Variants in MARCHF5 observed in about 807,000 individuals in gnomAD.
MARCHF5 encodes membrane associated ring-CH-type finger 5.
A neutral mutation model predicts 36.5 loss-of-function variants in MARCHF5; 5 were observed. The observed-to-expected ratio is 0.14, with a 90% CI of 0.07 to 0.29. MARCHF5 has a LOEUF of 0.29. Among genes scored for constraint, MARCHF5 ranks in the 10% least tolerant of loss-of-function variants. The pLI, the probability that MARCHF5 is intolerant of heterozygous loss-of-function variation, is 1.00. For missense variants in MARCHF5, 179 were observed against 336.3 expected (o/e 0.53, Z 3.66); for synonymous variants, 103 against 109.9 (o/e 0.94, Z 0.39).
In MARCHF5 at chr10:92,351,997, A is replaced by G. The variant is rs1317127599; in HGVS notation, c.*790A>G. 2 of 152,180 alleles carry G rather than the reference A, an allele frequency of 1.3e-5. No individual in the cohort carries two copies. The highest frequency in any genetic ancestry group is 2.9e-5 in the Non-Finnish European group (2 of 67,974). The allele number at this position is 152,180 out of a possible 1,614,324, so 9.4% of individuals were successfully genotyped here. A position where few individuals can be genotyped will look rare whatever the true frequency, so the allele number is the denominator to read the frequency against. On this transcript the variant is annotated 3_prime_UTR_variant, in exon 6 of 6. Transcript: ENST00000358935. ...CCATCTCTGGGAGTTTTTTCAACCC[A>G]TATTTCTAGAAATTACAGCTGCCAG...
At chr10:92,348,185 CAAAA>C (rs58496139) in intron 3 of MARCHF5, among the ~76,000 whole-genome samples, 1 of 121,284 alleles carries the variant, frequency 8.2e-6, no homozygotes. Context: ...AATTCCGTCT[CAAAA>C]AAAAAAAAAA....
chr10:92,331,928 TGTATATATAATC>T (rs959234947), intron 2 of MARCHF5, among the ~76,000 whole-genome samples: 29 of 146,574 alleles, frequency 2.0e-4, no homozygotes, highest in South Asian at 4.2e-4. Context: ...ATCATATATA[TGTATATATAATC>T]GTATATATAT....
chr10:92,294,521 A>G (rs558506936), intron 1 of MARCHF5, among the ~76,000 whole-genome samples: 5 of 152,322 alleles, frequency 3.3e-5, no homozygotes, highest in Admixed American at 2.6e-4. Context: ...CTTGAGGAAT[A>G]CCAACAGGGC....
chr10:92,299,295 G>A (rs1202186479), intron 1 of MARCHF5, among the ~76,000 whole-genome samples: 1 of 152,050 alleles, frequency 6.6e-6, no homozygotes, highest in African/African-American at 2.4e-5. Flanking sequence ...TTAAAAATCT[G>A]CCAGTCTCTG....
intron 3 of MARCHF5, among the ~76,000 whole-genome samples, chr10:92,345,680 TTC>T (rs1240370647): frequency 3.4e-5 from 5 of 149,142 alleles, no homozygotes; most frequent in Admixed American, 6.7e-5. Flanking sequence ...TCTTTTGTTT[TTC>T]TCTTTTTTTT....
chr10:92,349,756 C>T lies in MARCHF5; in HGVS notation c.639C>T (p.Ala213=), dbSNP rs974898277. The part of the protein sequence containing the change: ...HVSATRILCG[A]LVFPTIATIV... Reference sequence around the variant, plus strand: ...CTGCTACTCGAATCTTGTGTGGAGCCCTTGTCTTTCCTACTATTGCTACAA... The same window carrying T: ...CTGCTACTCGAATCTTGTGTGGAGCTCTTGTCTTTCCTACTATTGCTACAA... Residue 213 remains alanine, a synonymous_variant, in exon 5 of 6, where the codon GCC becomes GCT. Transcript: ENST00000358935. 1 of 1,613,710 alleles carries T rather than the reference C, an allele frequency of 6.2e-7. No individual in the cohort carries two copies. Among genetic ancestry groups the T allele is most frequent in the Non-Finnish European group, 8.5e-7 (1 of 1,179,782 alleles).
At position 92,291,414 on chromosome 10, in the gene MARCHF5, C is replaced by T. The variant is rs947816490; in HGVS notation, c.-81C>T. 8.6e-6 allele frequency: 11 copies of T among 1,275,792 alleles called. No individual in the cohort carries two copies. The highest frequency in any genetic ancestry group is 1.2e-5 in the Non-Finnish European group (11 of 901,174). The allele number at this position is 1,275,792 out of a possible 1,614,324, so 79.0% of individuals were successfully genotyped here. ...TGCCGCCGGACTGCGGCCTACTCCG[C>T]CGCCTCTCAGTGCTATTGTCCCTGG... On this transcript the variant is annotated 5_prime_UTR_variant, in exon 1 of 6. Transcript: ENST00000358935.
At chr10:92,328,201 CAT>C (rs1323419446) in intron 2 of MARCHF5, among the ~76,000 whole-genome samples, 1 of 150,490 alleles carries the variant, frequency 6.6e-6, no homozygotes, top group Non-Finnish European at 1.5e-5. Context: ...ATGTAATTCA[CAT>C]GTCTTTATTC....
intron 2 of MARCHF5, among the ~76,000 whole-genome samples, chr10:92,324,493 C>G (rs1843330250): frequency 6.6e-6 from 1 of 152,128 alleles, no homozygotes; most frequent in Admixed American, 6.5e-5. Context: ...CCCCGAATAG[C>G]TGGGACTACA....
chr10:92,300,162 CAA>C (rs377259892), intron 1 of MARCHF5, among the ~76,000 whole-genome samples: 7 of 135,846 alleles, frequency 5.2e-5, no homozygotes, highest in Admixed American at 1.5e-4. Flanking sequence ...GACCTTGTCT[CAA>C]AAAAAAAAAA....
At chr10:92,304,163 G>T (rs753917202) in intron 1 of MARCHF5, among the ~76,000 whole-genome samples, 4 of 152,188 alleles carry the variant, frequency 2.6e-5, no homozygotes, top group Non-Finnish European at 4.4e-5. Flanking sequence ...GAATGCCAGG[G>T]TGCCAAGTAG....
rs549216071 is a variant in MARCHF5 at position 92,291,213 on chromosome 10, G to A, written c.-282G>A. On this transcript the variant is annotated 5_prime_UTR_variant, in exon 1 of 6. Coordinates refer to ENST00000358935, the MANE Select transcript of MARCHF5 (RefSeq NM_017824.5). ...CGCCGGCAGCAACTCGGCGCCCGCG[G>A]TCCATGGACCGGAACCTCGGGCCGA... is the stretch of plus-strand genomic sequence containing the variant. The A allele has an allele frequency of 1.1e-4, 59 of 527,186 alleles. No homozygotes were observed. In the East Asian group the frequency reaches 1.8e-3, roughly 16 times the overall value. The allele number at this position is 527,186 out of a possible 1,614,324, so 32.7% of individuals were successfully genotyped here.
intron 1 of MARCHF5, among the ~76,000 whole-genome samples, chr10:92,297,081 C>G (rs1046620925): frequency 6.6e-6 from 1 of 152,068 alleles, no homozygotes; most frequent in African/African-American, 2.4e-5. Context: ...CTTCTCATCC[C>G]CACTCCACTA....
chr10:92,314,380 A>G (rs1843182317), intron 2 of MARCHF5, among the ~76,000 whole-genome samples: 1 of 152,244 alleles, frequency 6.6e-6, no homozygotes, highest in African/African-American at 2.4e-5. Flanking sequence ...ACGGTGGCTC[A>G]CGCCTGTAAT....
rs189986936 is a variant in MARCHF5, at chr10:92,294,687, G to A, written c.35+3158G>A. ...TTTCTTTAATGCAGGTTTTATCTTC[G>A]TGAAGACTAAGGAACTGTGTGTTAC... On this transcript the variant is annotated intron_variant, in intron 1 of 5. Coordinates refer to ENST00000358935, the MANE Select transcript of MARCHF5 (RefSeq NM_017824.5). Among the ~76,000 whole-genome samples the A allele has an allele frequency of 4.8e-4, 73 of 152,236 alleles. 2 individuals carry two copies. The East Asian group carries it at 9.5e-3, about 20-fold the overall frequency.
Position 92,343,994 on chromosome 10 carries a change from T to G in MARCHF5, c.369+3191T>G, listed in dbSNP as rs192933655. 3.6e-3 allele frequency among the ~76,000 whole-genome samples: 552 copies of G among 152,358 alleles called. 3 individuals are homozygous for G. Among genetic ancestry groups the G allele is most frequent in the Non-Finnish European group, 5.8e-3 (395 of 68,034 alleles). On this transcript the variant is annotated intron_variant, in intron 3 of 5. Transcript: ENST00000358935. Reference sequence around the variant, plus strand: ...AAACTTAGAGCAGATTATACATTATTTAATGTACAAATACATTATATAGAT... The same window carrying G: ...AAACTTAGAGCAGATTATACATTATGTAATGTACAAATACATTATATAGAT...
Position 92,291,378 on chromosome 10 carries a change from G to C in MARCHF5, c.-117G>C. On this transcript the variant is annotated 5_prime_UTR_variant, in exon 1 of 6. Coordinates refer to ENST00000358935, the MANE Select transcript of MARCHF5 (RefSeq NM_017824.5). ...GAGCTGCCCCGGGAAGCTGGGTGAC[G>C]GGTTCGCGGCTGCCGCCGGACTGCG... The C allele has an allele frequency of 4.3e-6, 4 of 928,836 alleles. No individual in the cohort carries two copies. Among genetic ancestry groups the C allele is most frequent in the Non-Finnish European group, 6.8e-6 (4 of 591,732 alleles). 57.5% of individuals were successfully genotyped at this position (928,836 alleles called of 1,614,324 possible). A position where few individuals can be genotyped will look rare whatever the true frequency, so the allele number is the denominator to read the frequency against.
At chr10:92,341,727 T>TC (rs1478873859) in intron 3 of MARCHF5, among the ~76,000 whole-genome samples, 1 of 151,160 alleles carries the variant, frequency 6.6e-6, no homozygotes, top group African/African-American at 2.4e-5. Flanking sequence ...AAATTTATTC[T>TC]CCGTCATCGT....
intron 3 of MARCHF5, among the ~76,000 whole-genome samples, chr10:92,345,452 C>T (rs1432860046): frequency 6.6e-6 from 1 of 152,050 alleles, no homozygotes; most frequent in East Asian, 1.9e-4. Context: ...TTGTAGTGAG[C>T]CAAGATTGCA....
Sources: allele counts gnomAD v4.1 joint callset (sites outside exome capture counted in the v4.1 genomes callset), GRCh38; gene constraint gnomAD v4.1.1; transcripts MANE v1.5; gene names NCBI Gene and HGNC (gene_info 2026-07-23, HGNC 2026-07-21).